The following PHEX variants were observed in gnomAD, a reference collection of about 807,000 sequenced individuals.
PHEX encodes phosphate-regulating neutral endopeptidase PHEX.
Under a neutral mutation model 68.0 loss-of-function variants are expected in PHEX, and 16 were observed. The ratio of observed to expected loss-of-function variants is 0.24; its 90% CI spans 0.16 to 0.36. The LOEUF is 0.36. Among genes scored for constraint, PHEX ranks in the 10% least tolerant of loss-of-function variants. The pLI is 1.00. For synonymous variants in PHEX, 208 were observed against 205.1 expected (o/e 1.01, Z -0.12); for missense variants, 480 against 575.5 (o/e 0.83, Z 1.70).
intron 5 of PHEX, 79 bp from the exon 6 acceptor site, chrX:22,090,350 A>G: frequency 1.3e-6 from 1 of 789,767 alleles, no homozygotes. Context: ...TGGGATGCAG[A>G]CGATTTCATC....
chrX:22,133,283 A>G (rs1218643044), intron 11 of PHEX, among the ~76,000 whole-genome samples: 1 of 112,002 alleles, frequency 8.9e-6, no homozygotes, highest in Non-Finnish European at 1.9e-5. Context: ...GGCCTCCCAA[A>G]TTGTTGGGAT....
At chrX:22,155,711 T>A (rs1932935555) in intron 12 of PHEX, among the ~76,000 whole-genome samples, 1 of 112,297 alleles carries the variant, frequency 8.9e-6, no homozygotes, top group African/African-American at 3.2e-5. Flanking sequence ...TTACAGCTAA[T>A]TATAGAATTA....
At chrX:22,130,653 G>T in intron 11 of PHEX, among the ~76,000 whole-genome samples, 1 of 109,154 alleles carries the variant, frequency 9.2e-6, no homozygotes, top group Middle Eastern at 4.7e-3. Flanking sequence ...TGGGTTTTCT[G>T]TTTGAAATTG....
At chrX:22,148,889 T>C in intron 12 of PHEX, among the ~76,000 whole-genome samples, 1 of 111,664 alleles carries the variant, frequency 9.0e-6, no homozygotes, top group East Asian at 2.8e-4. Flanking sequence ...GTAAGCCTAA[T>C]CATTGTTGAA....
intron 5 of PHEX, among the ~76,000 whole-genome samples, chrX:22,087,626 C>T (rs898403855): frequency 8.1e-5 from 9 of 111,338 alleles, no homozygotes; most frequent in African/African-American, 9.8e-5. Context: ...TATAGTAAGA[C>T]GAAAAAGAAG....
intron 2 of PHEX, among the ~76,000 whole-genome samples, chrX:22,039,507 C>T (rs1361816700): frequency 8.9e-6 from 1 of 112,280 alleles, no homozygotes; most frequent in Non-Finnish European, 1.9e-5. Flanking sequence ...GAAAGAAGCA[C>T]TAAATAAATG....
At chrX:22,197,921 A>G (rs1934417899) in intron 15 of PHEX, among the ~76,000 whole-genome samples, 1 of 109,166 alleles carries the variant, frequency 9.2e-6, no homozygotes, top group African/African-American at 3.3e-5. Context: ...CCTCAGTTTA[A>G]TTATCTGTAA....
Position 22,033,037 on chromosome X carries a change from C to T in PHEX, c.32C>T (p.Thr11Ile). The change falls in exon 1 of 22, where the codon ACT becomes ATT. Residue 11 changes from threonine to isoleucine, a missense_variant. Coordinates refer to ENST00000379374, the MANE Select transcript of PHEX (RefSeq NM_000444.6). ...GCAGAAACAGGGAGCAGCGTGGAGA[C>T]TGGAAAGAAGGCCAACAGAGGCACT... MEAETGSSVE[T>I]GKKANRGTRI... 4 of 1,209,484 alleles carry T rather than the reference C, an allele frequency of 3.3e-6. No individual in the cohort carries two copies. Among genetic ancestry groups the T allele is most frequent in the Non-Finnish European group, 4.5e-6 (4 of 894,017 alleles).
chrX:22,227,377 TTTC>T, intron 19 of PHEX, 127 bp from the exon 20 acceptor site: 1 of 525,737 alleles, frequency 1.9e-6, no homozygotes, highest in Non-Finnish European at 3.4e-6. Context: ...TGGACTTGTG[TTTC>T]TTAAGAAAAT....
rs759069628 is a variant in PHEX, at chrX:22,235,040, G to A, written c.2070+7429G>A. Among the ~76,000 whole-genome samples, 10 of 110,933 alleles carry A rather than the reference G, an allele frequency of 9.0e-5. No individual in the cohort carries two copies. In the East Asian group the frequency reaches 1.1e-3, roughly 13 times the overall value. On this transcript the variant is annotated intron_variant, in intron 20 of 21. Transcript: ENST00000379374. ...GTGCAGTATCTGGACTGGAGTGCACGGTTCCTCAGGCTCAGTCCCTCATGG... is the reference window on the plus strand; with the variant it reads ...GTGCAGTATCTGGACTGGAGTGCACAGTTCCTCAGGCTCAGTCCCTCATGG...
chrX:22,145,126 C>T (rs901211684), intron 12 of PHEX, among the ~76,000 whole-genome samples: 8 of 112,016 alleles, frequency 7.1e-5, no homozygotes, highest in Non-Finnish European at 1.3e-4. Flanking sequence ...AAGCGAAGGG[C>T]GATCCGTGTG....
chrX:22,136,986 T>C (rs757429780), intron 12 of PHEX, among the ~76,000 whole-genome samples: 1 of 112,330 alleles, frequency 8.9e-6, no homozygotes, highest in African/African-American at 3.2e-5. Context: ...TGCAAGCATG[T>C]GCTCTTATTG....
intron 12 of PHEX, among the ~76,000 whole-genome samples, chrX:22,134,508 G>A (rs374902035): frequency 8.9e-6 from 1 of 112,377 alleles, no homozygotes; most frequent in Non-Finnish European, 1.9e-5. Context: ...CAGGAGAATC[G>A]CTTGAGCCTG....
intron 12 of PHEX, among the ~76,000 whole-genome samples, chrX:22,154,427 A>AAT (rs772060147): frequency 1.8e-5 from 2 of 110,544 alleles, no homozygotes; most frequent in East Asian, 5.7e-4. Context: ...CAGGCATGAG[A>AAT]CTCCCCTATA....
At chrX:22,151,286 G>T (rs1292371552) in intron 12 of PHEX, among the ~76,000 whole-genome samples, 1 of 112,074 alleles carries the variant, frequency 8.9e-6, no homozygotes, top group Non-Finnish European at 1.9e-5. Context: ...AGGACTCAAA[G>T]CTCAGAAGGG....
chrX:22,229,054 C>T (rs1326397614), intron 20 of PHEX, among the ~76,000 whole-genome samples: 1 of 111,951 alleles, frequency 8.9e-6, no homozygotes, highest in Non-Finnish European at 1.9e-5. Flanking sequence ...CTGCAAAGAA[C>T]ATGAGCTCAT....
At chrX:22,198,908 A>G (rs190171408) in intron 15 of PHEX, among the ~76,000 whole-genome samples, 139 of 111,643 alleles carry the variant, frequency 1.2e-3, no homozygotes, top group African/African-American at 3.9e-3. Context: ...AGGCCTCACA[A>G]TTATGGCGGA....
intron 3 of PHEX, among the ~76,000 whole-genome samples, chrX:22,073,455 C>T (rs758739266): frequency 9.0e-6 from 1 of 111,121 alleles, no homozygotes; most frequent in Non-Finnish European, 1.9e-5. Flanking sequence ...CAACTGGAAC[C>T]CATGTCTGTG....
chrX:22,086,725 C>T (rs1602281738), intron 5 of PHEX, among the ~76,000 whole-genome samples: 1 of 111,421 alleles, frequency 9.0e-6, no homozygotes, highest in African/African-American at 3.3e-5. Flanking sequence ...CATTTTGAAA[C>T]CTGAAGTCCA....
Sources: allele counts gnomAD v4.1 joint callset (sites outside exome capture counted in the v4.1 genomes callset), GRCh38; gene constraint gnomAD v4.1.1; transcripts MANE v1.5; gene names NCBI Gene and HGNC (gene_info 2026-07-23, HGNC 2026-07-21).